Variants in COL7A1 observed in about 807,000 individuals in gnomAD.
COL7A1 encodes the protein collagen type VII alpha 1 chain.
Under a neutral mutation model 456.2 loss-of-function variants are expected in COL7A1, and 296 were observed. The observed-to-expected ratio is 0.65, with a 90% CI of 0.59 to 0.71. The LOEUF (loss-of-function observed/expected upper bound fraction) is 0.71, where lower values mean the gene tolerates loss of function less well. Among genes scored for constraint, COL7A1 ranks in the 30% least tolerant of loss-of-function variants. The probability of loss-of-function intolerance (pLI) is 0.00; values close to 1 mark genes in which losing one functional copy is unlikely to be tolerated. For missense variants in COL7A1, 3,441 were observed against 4,017.2 expected (o/e 0.86, Z 3.88); for synonymous variants, 1,464 against 1,525.9 (o/e 0.96, Z 0.95).
chr3:48,571,973 C>A lies in COL7A1; in HGVS notation c.7068+28G>T. 6.2e-7 allele frequency: 1 copy of A among 1,609,156 alleles called. No homozygotes were observed. The highest frequency in any genetic ancestry group is 8.5e-7 in the Non-Finnish European group (1 of 1,178,134). On this transcript the variant is annotated intron_variant, in intron 92 of 118. Coordinates refer to ENST00000681320, the MANE Select transcript of COL7A1 (RefSeq NM_000094.4). This position sits in a 1 kb window ranked among gnomAD's most constrained non-coding sequence, Gnocchi z 4.6. ...CCGCCATCACACTCCTCAGGCCAGG[C>A]TCGCCCTTGCCTAGGCCCCGGACTC... is the stretch of plus-strand genomic sequence containing the variant.
Position 48,568,748 on chromosome 3 carries a change from ACCTGGGCCTGGG to A in COL7A1, c.7758+24_7758+35del, listed in dbSNP as rs767210608. 1.3e-6 allele frequency: 2 copies of A among 1,551,034 alleles called. No homozygotes were observed. The highest frequency in any genetic ancestry group is 1.9e-5 in the Admixed American group (1 of 51,454). ...TGTGTGTGTGTGATGCTGGCTCTGG[ACCTGGGCCTGGG>A]CCTGGGCCTGGGGCAGAACTTGCCT... On this transcript the variant is annotated intron_variant, in intron 104 of 118. Coordinates refer to ENST00000681320, the MANE Select transcript of COL7A1 (RefSeq NM_000094.4). This position sits in a 1 kb window ranked among gnomAD's most constrained non-coding sequence, Gnocchi z 5.2.
At position 48,575,221 on chromosome 3, in the gene COL7A1, C is replaced by T; in HGVS notation, c.6202G>A (p.Glu2068Lys). Reference sequence around the variant, plus strand: ...TCGCAGCCCACCTGTTCTCCACGTTCTCCTTTCTCTCCCCGTTCTCCCTGA... The same window carrying T: ...TCGCAGCCCACCTGTTCTCCACGTTTTCCTTTCTCTCCCCGTTCTCCCTGA... The part of the protein sequence containing the change: ...GERGERGEKG[E>K]RGEQGRDGPP... Residue 2068 changes from glutamate to lysine, a missense_variant, in exon 75 of 119, where the codon GAA becomes AAA. Glu to Lys is a moderately conservative substitution (Grantham distance 56). Around this residue, in one of 3 missense-constraint regions of COL7A1, gnomAD observed 2,084 missense variants for 2,501.3 expected, o/e 0.83. Coordinates refer to ENST00000681320, the MANE Select transcript of COL7A1 (RefSeq NM_000094.4). This position sits in a 1 kb window ranked among gnomAD's most constrained non-coding sequence, Gnocchi z 6.3. The T allele has an allele frequency of 6.2e-7, 1 of 1,614,068 alleles. No homozygotes were observed. The highest frequency in any genetic ancestry group is 8.5e-7 in the Non-Finnish European group (1 of 1,180,000).
chr3:48,564,274 A>T lies in COL7A1; in HGVS notation c.*132T>A. ...AAGGCTAGACCCACGGGACCAAGTC[A>T]CTGAAATAACGGACGTGCACACGCA... On this transcript the variant is annotated 3_prime_UTR_variant, in exon 119 of 119. Coordinates refer to ENST00000681320, the MANE Select transcript of COL7A1 (RefSeq NM_000094.4). This position sits in a 1 kb window ranked among gnomAD's most constrained non-coding sequence, Gnocchi z 6.0. The T allele has an allele frequency of 8.9e-7, 1 of 1,127,654 alleles. No individual in the cohort carries two copies. Among genetic ancestry groups the T allele is most frequent in the Non-Finnish European group, 1.3e-6 (1 of 753,674 alleles). The allele number at this position is 1,127,654 out of a possible 1,614,324, so 69.9% of individuals were successfully genotyped here. A position where few individuals can be genotyped will look rare whatever the true frequency, so the allele number is the denominator to read the frequency against.
At position 48,567,992 on chromosome 3, in the gene COL7A1, A is replaced by G. The variant is rs2043683693; in HGVS notation, c.7875+98T>C. ...CTCCAAACAGGCCTCAGCTACTCCAACCTCTGACCCAGTGCCCTAATATCT... is the reference window on the plus strand; with the variant it reads ...CTCCAAACAGGCCTCAGCTACTCCAGCCTCTGACCCAGTGCCCTAATATCT... On this transcript the variant is annotated intron_variant, in intron 106 of 118. Coordinates refer to ENST00000681320, the MANE Select transcript of COL7A1 (RefSeq NM_000094.4). This position sits in a 1 kb window ranked among gnomAD's most constrained non-coding sequence, Gnocchi z 4.3. 1.9e-6 allele frequency: 3 copies of G among 1,598,110 alleles called. No individual in the cohort carries two copies. The highest frequency in any genetic ancestry group is 2.2e-5 in the South Asian group (2 of 90,646).
Position 48,583,926 on chromosome 3 carries a change from T to A in COL7A1, c.4252A>T (p.Ile1418Phe), listed in dbSNP as rs1023025728. 1 of 1,613,894 alleles carries A rather than the reference T, an allele frequency of 6.2e-7. No homozygotes were observed. Among genetic ancestry groups the A allele is most frequent in the Non-Finnish European group, 8.5e-7 (1 of 1,179,990 alleles). Reference protein sequence around the residue: ...RGPPGPGEGGIAPGEPGLPGL... With the variant: ...RGPPGPGEGGFAPGEPGLPGL... ...GGCAGCCCAGGCTCCCCAGGAGCAA[T>A]GCCACCTTCACCTGGTCCAGGGGGA... The change falls in exon 39 of 119, where the codon ATT (isoleucine) becomes TTT (phenylalanine). Residue 1418 changes from isoleucine to phenylalanine, a missense_variant. Coordinates refer to ENST00000681320, the MANE Select transcript of COL7A1 (RefSeq NM_000094.4). The surrounding 1 kb of genome is among the most constrained non-coding windows in gnomAD (Gnocchi z 5.1).
rs764191830 is a variant in COL7A1, at chr3:48,580,838, C to T, written c.4980+44G>A. On this transcript the variant is annotated intron_variant, in intron 54 of 118. Transcript: ENST00000681320. The surrounding 1 kb of genome is among the most constrained non-coding windows in gnomAD (Gnocchi z 4.5). ...CTCAGCCTTTCCTATCACCTTCATG[C>T]CCACCTCCCATCACCCCTGTTACTT... 3 of 1,612,952 alleles carry T rather than the reference C, an allele frequency of 1.9e-6. No homozygotes were observed. The highest frequency in any genetic ancestry group is 2.5e-6 in the Non-Finnish European group (3 of 1,179,016).
In COL7A1 at chr3:48,569,468, G is replaced by A; in HGVS notation, c.7615-22C>T. 5.6e-6 allele frequency: 9 copies of A among 1,614,164 alleles called. No homozygotes were observed. The highest frequency in any genetic ancestry group is 7.6e-6 in the Non-Finnish European group (9 of 1,179,994). On this transcript the variant is annotated intron_variant, in intron 102 of 118. Coordinates refer to ENST00000681320, the MANE Select transcript of COL7A1 (RefSeq NM_000094.4). This position sits in a 1 kb window ranked among gnomAD's most constrained non-coding sequence, Gnocchi z 4.9. ...CACCCTGGGTTGGTTTGGGTAAGAA[G>A]TCACGGTAAGGGGCTGAAGGTCCCT...
chr3:48,579,108 G>T lies in COL7A1; in HGVS notation c.5388+89C>A. The stretch of plus-strand genomic sequence containing the variant: ...AGGTCTCGCCCCAGAGCTCGTCAAG[G>T]CCAAGACCAACCAATGAGGCTGGGG... On this transcript the variant is annotated intron_variant, in intron 62 of 118. Transcript: ENST00000681320. The surrounding 1 kb of genome is among the most constrained non-coding windows in gnomAD (Gnocchi z 4.4). 2.5e-6 allele frequency: 4 copies of T among 1,569,152 alleles called. No individual in the cohort carries two copies. Among genetic ancestry groups the T allele is most frequent in the Non-Finnish European group, 3.5e-6 (4 of 1,142,290 alleles).
At position 48,577,009 on chromosome 3, in the gene COL7A1, C is replaced by G; in HGVS notation, c.5551G>C (p.Gly1851Arg). The G allele has an allele frequency of 1.2e-6, 2 of 1,613,944 alleles. No homozygotes were observed. The highest frequency in any genetic ancestry group is 1.7e-6 in the Non-Finnish European group (2 of 1,180,034). Reference protein sequence around the residue: ...NGKNGEPGDPGEDGRKGEKGD... With the variant: ...NGKNGEPGDPREDGRKGEKGD... ...GACTTTACCTTCCTCCCGTCTTCTCCAGGGTCCCCAGGTTCTCCCTGTGGG... is the reference window on the plus strand; with the variant it reads ...GACTTTACCTTCCTCCCGTCTTCTCGAGGGTCCCCAGGTTCTCCCTGTGGG... Residue 1851 changes from glycine (G) to arginine (R), a missense_variant, in exon 66 of 119, where the codon GGA becomes CGA. Physicochemically the swap from Gly to Arg is moderately radical, Grantham distance 125. This residue lies in a region of COL7A1 where 2,084 missense variants were observed against 2,501.3 expected (regional missense o/e 0.83). Coordinates refer to ENST00000681320, the MANE Select transcript of COL7A1 (RefSeq NM_000094.4).
Position 48,566,665 on chromosome 3 carries a change from C to A in COL7A1, c.8299G>T (p.Glu2767Ter). ...GVPGAPGERG[E>*]QGRPGPAGPR... is the part of the protein sequence containing the mutation. Reference sequence around the variant, plus strand: ...GCCTTGGAATCCCTACTCACCTGCTCCCCTCTCTCGCCAGGAGCTCCAGGG... The same window carrying A: ...GCCTTGGAATCCCTACTCACCTGCTACCCTCTCTCGCCAGGAGCTCCAGGG... Residue 2767 changes from glutamate (E) to a stop codon, truncating the protein, a stop_gained, in exon 112 of 119, where the codon GAG becomes TAG. Transcript: ENST00000681320. LOFTEE classifies it high-confidence loss of function. This position sits in a 1 kb window ranked among gnomAD's most constrained non-coding sequence, Gnocchi z 5.9. 6.2e-7 allele frequency: 1 copy of A among 1,614,166 alleles called. No individual in the cohort carries two copies.
Position 48,571,088 on chromosome 3 carries a change from G to A in COL7A1, c.7164+13C>T. The A allele has an allele frequency of 1.2e-6, 2 of 1,613,710 alleles. No individual in the cohort carries two copies. Among genetic ancestry groups the A allele is most frequent in the Non-Finnish European group, 1.7e-6 (2 of 1,179,834 alleles). On this transcript the variant is annotated intron_variant, in intron 94 of 118. Transcript: ENST00000681320. The surrounding 1 kb of genome is among the most constrained non-coding windows in gnomAD (Gnocchi z 4.6). ...CTGCTGCCCCTACAACTGGTGATGG[G>A]GCATTGACTTACCTTCACACCTGGA...
At chr3:48,577,576 T>C (rs1057023591) in intron 65 of COL7A1, among the ~76,000 whole-genome samples, 8 of 152,174 alleles carry the variant, frequency 5.3e-5, no homozygotes, top group African/African-American at 1.9e-4. Context: ...CTAGCACATG[T>C]CACAGGTCAG....
In COL7A1 at chr3:48,572,117, C is replaced by G. The variant is rs1293030603; in HGVS notation, c.7023+10G>C. The G allele has an allele frequency of 1.2e-6, 2 of 1,614,000 alleles. No homozygotes were observed. The highest frequency in any genetic ancestry group is 1.3e-5 in the African/African-American group (1 of 75,042). Reference sequence around the variant, plus strand: ...CTCAGTAGTCAGGCCCCAGGGCCAACCCACCTCACCTTCTCGCCTCGCGGC... The same window carrying G: ...CTCAGTAGTCAGGCCCCAGGGCCAAGCCACCTCACCTTCTCGCCTCGCGGC... On this transcript the variant is annotated intron_variant, in intron 91 of 118. Coordinates refer to ENST00000681320, the MANE Select transcript of COL7A1 (RefSeq NM_000094.4). This position sits in a 1 kb window ranked among gnomAD's most constrained non-coding sequence, Gnocchi z 4.6.
Position 48,573,871 on chromosome 3 carries a change from C to T in COL7A1, c.6521G>A (p.Gly2174Asp), listed in dbSNP as rs1172901022. The change falls in exon 81 of 119, where the codon GGC (glycine) becomes GAC (aspartate). Residue 2174 changes from glycine to aspartate, a missense_variant. Gly to Asp is a moderately conservative substitution (Grantham distance 94). This residue lies in a region of COL7A1 where 2,084 missense variants were observed against 2,501.3 expected (regional missense o/e 0.83). Coordinates refer to ENST00000681320, the MANE Select transcript of COL7A1 (RefSeq NM_000094.4). The surrounding 1 kb of genome is among the most constrained non-coding windows in gnomAD (Gnocchi z 5.5). ...EGKPGLQGPR[G>D]PPGPVGGHGD... ...GGTACTCACCACTGGGCCAGGGGGG[C>T]CTCTTGGACCCTGCAGACCCTACAT... The T allele has an allele frequency of 1.9e-6, 3 of 1,613,838 alleles. No homozygotes were observed. Among genetic ancestry groups the T allele is most frequent in the Non-Finnish European group, 2.5e-6 (3 of 1,180,000 alleles).
Position 48,568,811 on chromosome 3 carries a change from T to G in COL7A1, c.7731A>C (p.Pro2577=). 1 of 1,575,512 alleles carries G rather than the reference T, an allele frequency of 6.3e-7. No homozygotes were observed. Among genetic ancestry groups the G allele is most frequent in the Non-Finnish European group, 8.6e-7 (1 of 1,159,400 alleles). ...GGGGTCCCAGGAGTCCACGCAGTCC[T>G]GGCAACCCGGCTGAGCCCTTGTCAC... ...EPGDKGSAGL[P]GLRGLLGPQG... Residue 2577 remains proline (P), a synonymous_variant, in exon 104 of 119, where the codon CCA becomes CCC. Transcript: ENST00000681320. The surrounding 1 kb of genome is among the most constrained non-coding windows in gnomAD (Gnocchi z 5.2).
At position 48,592,517 on chromosome 3, in the gene COL7A1, T is replaced by G. The variant is rs1575491971; in HGVS notation, c.977-50A>C. 1.2e-6 allele frequency: 2 copies of G among 1,612,336 alleles called. No homozygotes were observed. The highest frequency in any genetic ancestry group is 2.2e-5 in the South Asian group (2 of 91,026). The stretch of plus-strand genomic sequence containing the variant: ...TCATGGAGTCAGAAGTGGGAGGGGG[T>G]ACTGGGGTCGGGGGTTAGGTGAATG... On this transcript the variant is annotated intron_variant, in intron 8 of 118. Transcript: ENST00000681320. This position sits in a 1 kb window ranked among gnomAD's most constrained non-coding sequence, Gnocchi z 7.6.
rs965347685 is a variant in COL7A1 at position 48,564,297 on chromosome 3, G to A, written c.*109C>T. On this transcript the variant is annotated 3_prime_UTR_variant, in exon 119 of 119. Coordinates refer to ENST00000681320, the MANE Select transcript of COL7A1 (RefSeq NM_000094.4). This position sits in a 1 kb window ranked among gnomAD's most constrained non-coding sequence, Gnocchi z 6.0. ...TCACTGAAATAACGGACGTGCACAC[G>A]CACGCTCACGTGCACACAAGCCTCT... is the stretch of plus-strand genomic sequence containing the variant. 6.7e-6 allele frequency: 9 copies of A among 1,340,186 alleles called. No homozygotes were observed. The highest frequency in any genetic ancestry group is 1.8e-4 in the Middle Eastern group (1 of 5,560). 83.0% of individuals were successfully genotyped at this position (1,340,186 alleles called of 1,614,324 possible).
rs1376331272 is a variant in COL7A1, at chr3:48,588,376, C to T, written c.2616G>A (p.Thr872=). ...TPPEAPPALG[T]LHVVQRGEHS... Reference sequence around the variant, plus strand: ...GCTCCCCGCGCTGCACCACGTGAAGCGTCCCCAGGGCTGGCGGAGCCTCAG... The same window carrying T: ...GCTCCCCGCGCTGCACCACGTGAAGTGTCCCCAGGGCTGGCGGAGCCTCAG... Residue 872 remains threonine, a synonymous_variant, in exon 21 of 119, where the codon ACG becomes ACA. Coordinates refer to ENST00000681320, the MANE Select transcript of COL7A1 (RefSeq NM_000094.4). The surrounding 1 kb of genome is among the most constrained non-coding windows in gnomAD (Gnocchi z 4.6). 1.9e-6 allele frequency: 3 copies of T among 1,611,788 alleles called. No homozygotes were observed. Among genetic ancestry groups the T allele is most frequent in the South Asian group, 2.2e-5 (2 of 91,034 alleles).
Position 48,593,641 on chromosome 3 carries a change from G to A in COL7A1, c.322C>T (p.Arg108Cys), listed in dbSNP as rs755047832. 55 of 1,614,086 alleles carry A rather than the reference G, an allele frequency of 3.4e-5. No individual in the cohort carries two copies. Among genetic ancestry groups the A allele is most frequent in the South Asian group, 7.7e-5 (7 of 91,086 alleles). Residue 108 changes from arginine (R) to cysteine (C), a missense_variant, in exon 4 of 119, where the codon CGT (arginine) becomes TGT (cysteine). Physicochemically the swap from Arg to Cys is radical, Grantham distance 180 (BLOSUM62 -3). Coordinates refer to ENST00000681320, the MANE Select transcript of COL7A1 (RefSeq NM_000094.4). This position sits in a 1 kb window ranked among gnomAD's most constrained non-coding sequence, Gnocchi z 4.4. ...TTGCCCCCCTTGTAGCTAAGCTCAC[G>A]GATGGCGCGGATCACATCACCCCCA... is the stretch of plus-strand genomic sequence containing the variant. ...GSGGDVIRAI[R>C]ELSYKGGNTR...
Sources: allele counts gnomAD v4.1 joint callset (sites outside exome capture counted in the v4.1 genomes callset), GRCh38; gene constraint gnomAD v4.1.1; regional missense constraint gnomAD v4.1.1; non-coding constraint Gnocchi (gnomAD v3.1); transcripts MANE v1.5; gene names NCBI Gene and HGNC (gene_info 2026-07-23, HGNC 2026-07-21).